QPCT: variants seen among roughly 807,000 people sequenced by gnomAD.
The protein encoded by QPCT is EC.
QPCT carries 44 observed loss-of-function variants against 43.4 expected under a neutral mutation model. The observed-to-expected ratio is 1.01, with a 90% confidence interval of 0.80 to 1.30. QPCT has a LOEUF of 1.30. Among genes scored for constraint, QPCT ranks in the 50% most tolerant of loss-of-function variants. The pLI, the probability that QPCT is intolerant of heterozygous loss-of-function variation, is 0.00. For synonymous variants in QPCT, 168 were observed against 168.4 expected (o/e 1.00, Z 0.02); for missense variants, 526 against 436.5 (o/e 1.21, Z -1.83).
At chr2:37,367,802 G>A (rs141960344) in intron 4 of QPCT, among the ~76,000 whole-genome samples, 2,594 of 152,276 alleles carry the variant, frequency 0.017, 63 homozygotes, top group African/African-American at 0.059. Flanking sequence ...CCAGGAGTTC[G>A]AGGCTGCCGT....
Position 37,353,820 on chromosome 2 carries a change from A to C in QPCT, c.267+885A>C, listed in dbSNP as rs529561417. Among the ~76,000 whole-genome samples, 62 of 152,278 alleles carry C rather than the reference A, an allele frequency of 4.1e-4. 3 individuals are homozygous for C. The South Asian group carries it at 0.013, about 32-fold the overall frequency. On this transcript the variant is annotated intron_variant, in intron 2 of 6. Transcript: ENST00000338415. Reference sequence around the variant, plus strand: ...CCTCAGGCAAAAGACCTTGGCACCCACTGCTGTGCCTAGATTGAGAACTGC... The same window carrying C: ...CCTCAGGCAAAAGACCTTGGCACCCCCTGCTGTGCCTAGATTGAGAACTGC...
chr2:37,362,791 T>C (rs868251582), intron 3 of QPCT, among the ~76,000 whole-genome samples: 1 of 152,164 alleles, frequency 6.6e-6, no homozygotes, highest in South Asian at 2.1e-4. Context: ...ATTAGAGATG[T>C]GATAAGCTGA....
intron 3 of QPCT, 161 bp downstream of exon 3, chr2:37,360,019 A>G (rs1460093791): frequency 5.1e-6 from 4 of 787,150 alleles, no homozygotes; most frequent in Non-Finnish European, 8.0e-6. Flanking sequence ...GATTGGGAAT[A>G]TCAACCATGG....
intron 5 of QPCT, among the ~76,000 whole-genome samples, chr2:37,370,106 A>T (rs1673044841): frequency 6.6e-6 from 1 of 152,126 alleles, no homozygotes; most frequent in Admixed American, 6.6e-5. Context: ...AATCACTTGA[A>T]CCTGGGAAGC....
chr2:37,372,537 G>A (rs10490448), intron 6 of QPCT, 65 bp downstream of exon 6: 67,462 of 1,474,772 alleles, frequency 0.046, 1,746 homozygotes, highest in Middle Eastern at 0.12. Flanking sequence ...GGAGTACAAC[G>A]GTGGGATATG....
intron 3 of QPCT, 130 bp from the exon 4 acceptor site, chr2:37,367,102 T>C (rs952277244): frequency 9.5e-7 from 1 of 1,049,774 alleles, no homozygotes; most frequent in Non-Finnish European, 1.4e-6. Context: ...AATTTTGCCA[T>C]AGTTTCACTT....
At chr2:37,369,818 A>G in intron 5 of QPCT, 34 bp downstream of exon 5, 1 of 1,490,906 alleles carries the variant, frequency 6.7e-7, no homozygotes, top group South Asian at 1.1e-5. Context: ...ATAAAACATC[A>G]TTTCTTGCTA....
chr2:37,373,010 T>C lies in QPCT; in HGVS notation c.*183T>C. 1 of 465,576 alleles carries C rather than the reference T, an allele frequency of 2.1e-6. No individual in the cohort carries two copies. Among genetic ancestry groups the C allele is most frequent in the South Asian group, 6.2e-5 (1 of 16,108 alleles). The allele number at this position is 465,576 out of a possible 1,614,324, so 28.8% of individuals were successfully genotyped here. A position where few individuals can be genotyped will look rare whatever the true frequency, so the allele number is the denominator to read the frequency against. Reference sequence around the variant, plus strand: ...ATAATTGTGTTGTGATATTGTGTCCTAAATTGCTCATTAATTTTTATTTAC... The same window carrying C: ...ATAATTGTGTTGTGATATTGTGTCCCAAATTGCTCATTAATTTTTATTTAC... On this transcript the variant is annotated 3_prime_UTR_variant, in exon 7 of 7. Coordinates refer to ENST00000338415, the MANE Select transcript of QPCT (RefSeq NM_012413.4).
intron 1 of QPCT, among the ~76,000 whole-genome samples, chr2:37,347,218 C>CATATATATAACATAT (rs1558599557): frequency 3.2e-5 from 2 of 62,392 alleles, no homozygotes; most frequent in African/African-American, 1.5e-4. Flanking sequence ...ATATATATAA[C>CATATATATAACATAT]ATATATATAT....
intron 1 of QPCT, among the ~76,000 whole-genome samples, chr2:37,345,399 G>C (rs1233453419): frequency 2.0e-5 from 3 of 152,204 alleles, no homozygotes; most frequent in Non-Finnish European, 4.4e-5. Context: ...ACCTTTACTG[G>C]AGACCTGCTT....
Position 37,372,945 on chromosome 2 carries a change from C to A in QPCT, c.*118C>A. Reference sequence around the variant, plus strand: ...TGGAAACATCTATCCTATAGATCATCCTATTCTTATGTGTCTTTGGTTATC... The same window carrying A: ...TGGAAACATCTATCCTATAGATCATACTATTCTTATGTGTCTTTGGTTATC... On this transcript the variant is annotated 3_prime_UTR_variant, in exon 7 of 7. Transcript: ENST00000338415. 1.2e-6 allele frequency: 1 copy of A among 856,438 alleles called. No individual in the cohort carries two copies. Among genetic ancestry groups the A allele is most frequent in the Non-Finnish European group, 1.7e-6 (1 of 582,292 alleles). The allele number at this position is 856,438 out of a possible 1,614,324, so 53.1% of individuals were successfully genotyped here. A position where few individuals can be genotyped will look rare whatever the true frequency, so the allele number is the denominator to read the frequency against.
intron 4 of QPCT, chr2:37,368,278 A>T: frequency 4.0e-6 from 1 of 247,982 alleles, no homozygotes. Flanking sequence ...CCTCATTTTC[A>T]TCCCCATTCC....
chr2:37,349,903 C>T (rs1411514896), intron 1 of QPCT, among the ~76,000 whole-genome samples: 1 of 152,124 alleles, frequency 6.6e-6, no homozygotes, highest in Non-Finnish European at 1.5e-5. Context: ...GATAGTTCAT[C>T]TGTTGATTGC....
At chr2:37,369,530 A>G (rs1203894389) in intron 4 of QPCT, among the ~76,000 whole-genome samples, 155 bp from the exon 5 acceptor site, 1 of 152,266 alleles carries the variant, frequency 6.6e-6, no homozygotes, top group Non-Finnish European at 1.5e-5. Context: ...AATAATTAGC[A>G]TAAAATGTTA....
chr2:37,369,207 T>C (rs908644308), intron 4 of QPCT, among the ~76,000 whole-genome samples: 1 of 152,194 alleles, frequency 6.6e-6, no homozygotes, highest in African/African-American at 2.4e-5. Context: ...CACAATGTTA[T>C]ATAGCTCCTG....
chr2:37,358,438 CAACAA>C (rs143537953), intron 2 of QPCT, among the ~76,000 whole-genome samples: 12 of 151,242 alleles, frequency 7.9e-5, no homozygotes, highest in South Asian at 4.2e-4. Flanking sequence ...CCCTGTTAAA[CAACAA>C]AACAAAACAA....
At position 37,348,950 on chromosome 2, in the gene QPCT, C is replaced by A. The variant is rs900699821; in HGVS notation, c.121-3839C>A. On this transcript the variant is annotated intron_variant, in intron 1 of 6. Coordinates refer to ENST00000338415, the MANE Select transcript of QPCT (RefSeq NM_012413.4). Reference sequence around the variant, plus strand: ...TGCTGAGCTCGCTCTTTCTTTCCAGCTTTTTCCTCTTACTCATTCATCTCA... The same window carrying A: ...TGCTGAGCTCGCTCTTTCTTTCCAGATTTTTCCTCTTACTCATTCATCTCA... Among the ~76,000 whole-genome samples the A allele has an allele frequency of 3.3e-5, 5 of 152,220 alleles. No homozygotes were observed. The East Asian group carries it at 7.7e-4, about 23-fold the overall frequency.
chr2:37,354,725 AG>A (rs1441421815), intron 2 of QPCT, among the ~76,000 whole-genome samples: 10 of 152,216 alleles, frequency 6.6e-5, no homozygotes, highest in Admixed American at 6.5e-4. Flanking sequence ...TTTTCTTAAA[AG>A]AAGGCCAGGG....
chr2:37,372,367 C>A lies in QPCT; in HGVS notation c.835C>A (p.His279Asn). 1.9e-6 allele frequency: 3 copies of A among 1,612,246 alleles called. No individual in the cohort carries two copies. The highest frequency in any genetic ancestry group is 2.5e-6 in the Non-Finnish European group (3 of 1,178,328). The change falls in exon 6 of 7, where the codon CAT becomes AAT. Residue 279 changes from histidine to asparagine, a missense_variant. His to Asn is a moderately conservative substitution (Grantham distance 68, BLOSUM62 1). Coordinates refer to ENST00000338415, the MANE Select transcript of QPCT (RefSeq NM_012413.4). ...ATTGTCATCTACAGAACATGAACTT[C>A]ATGAATTGGGTTTGCTCAAGGATCA... ...ERLQAIEHEL[H>N]ELGLLKDHSL...
Sources: allele counts gnomAD v4.1 joint callset (sites outside exome capture counted in the v4.1 genomes callset), GRCh38; gene constraint gnomAD v4.1.1; transcripts MANE v1.5; gene names NCBI Gene and HGNC (gene_info 2026-07-23, HGNC 2026-07-21).